The following MAGI1 variants were observed in gnomAD, a reference collection of about 807,000 sequenced individuals.
MAGI1 encodes membrane associated guanylate kinase, WW and PDZ domain containing 1.
A neutral mutation model predicts 139.9 loss-of-function variants in MAGI1; 58 were observed. The ratio of observed to expected loss-of-function variants is 0.41; its 90% CI spans 0.34 to 0.52. MAGI1 has a LOEUF of 0.52. MAGI1 is among the 20% of genes least tolerant of loss of function. MAGI1 has a pLI of 0.12. For missense variants in MAGI1, 1,874 were observed against 1,901.6 expected, an observed-to-expected ratio of 0.99 and a Z score of 0.27; for synonymous variants, 812 against 737.9, an observed-to-expected ratio of 1.10 and a Z score of -1.63.
chr3:65,362,214 T>C (rs1464796611), intron 21 of MAGI1, among the ~76,000 whole-genome samples: 1 of 152,168 alleles, frequency 6.6e-6, no homozygotes, highest in Non-Finnish European at 1.5e-5. Context: ...CCTACCAAGC[T>C]GCTGGCATCA....
At chr3:65,694,128 G>C (rs2088931626) in intron 1 of MAGI1, among the ~76,000 whole-genome samples, 1 of 152,200 alleles carries the variant, frequency 6.6e-6, no homozygotes, top group South Asian at 2.1e-4. Flanking sequence ...ATGTAAAATA[G>C]AGCCAGATAA....
At chr3:65,393,708 T>C (rs1379984006) in intron 13 of MAGI1, among the ~76,000 whole-genome samples, 1 of 152,190 alleles carries the variant, frequency 6.6e-6, no homozygotes, top group South Asian at 2.1e-4. Flanking sequence ...AGATGCCAGA[T>C]TGATTCCAGG....
chr3:65,734,383 C>A (rs1470623905), intron 1 of MAGI1, among the ~76,000 whole-genome samples: 1 of 151,326 alleles, frequency 6.6e-6, no homozygotes, highest in African/African-American at 2.4e-5. Flanking sequence ...TCTCTTGAGC[C>A]CAGGAGGTCG....
At chr3:65,663,592 G>A (rs527943512) in intron 1 of MAGI1, among the ~76,000 whole-genome samples, 45 of 152,282 alleles carry the variant, frequency 3.0e-4, no homozygotes, top group Non-Finnish European at 5.3e-4. Flanking sequence ...TCATTCAAGA[G>A]GTATCTATTG....
intron 1 of MAGI1, among the ~76,000 whole-genome samples, chr3:65,723,667 C>A (rs1018273831): frequency 5.9e-5 from 9 of 152,144 alleles, no homozygotes; most frequent in Non-Finnish European, 1.3e-4. Context: ...ATCTGTGTTT[C>A]CTCTACACAT....
At chr3:65,790,064 G>A (rs1240475251) in intron 1 of MAGI1, among the ~76,000 whole-genome samples, 1 of 152,156 alleles carries the variant, frequency 6.6e-6, no homozygotes, top group Non-Finnish European at 1.5e-5. Context: ...AACTAAAGAT[G>A]TCTAACAGAA....
At chr3:65,654,413 C>T (rs975812108) in intron 1 of MAGI1, among the ~76,000 whole-genome samples, 3 of 152,066 alleles carry the variant, frequency 2.0e-5, no homozygotes, top group Admixed American at 6.6e-5. Context: ...GCCTGTGTGC[C>T]GTTTTGTGGA....
intron 1 of MAGI1, among the ~76,000 whole-genome samples, chr3:65,986,376 G>T (rs1248989257): frequency 6.6e-6 from 1 of 152,208 alleles, no homozygotes; most frequent in African/African-American, 2.4e-5. Flanking sequence ...ATCCCTAGAT[G>T]AGTTGAGATG....
At chr3:65,549,372 T>A in intron 2 of MAGI1, 5 of 929,482 alleles carry the variant, frequency 5.4e-6, no homozygotes, top group Non-Finnish European at 6.4e-6. Context: ...CCCCTCTTCC[T>A]GCTGTCACTT....
At chr3:65,780,985 C>A (rs1432057505) in intron 1 of MAGI1, among the ~76,000 whole-genome samples, 4 of 152,120 alleles carry the variant, frequency 2.6e-5, no homozygotes, top group South Asian at 2.1e-4. Context: ...ATTGGGAGGC[C>A]AAGGCAGGCA....
At chr3:65,891,942 A>ATG (rs2060788079) in intron 1 of MAGI1, among the ~76,000 whole-genome samples, 3 of 90,822 alleles carry the variant, frequency 3.3e-5, no homozygotes, top group Non-Finnish European at 6.5e-5. Flanking sequence ...ATATATATAT[A>ATG]CCCGTGTTGC....
At chr3:65,464,656 T>C (rs896146826) in intron 5 of MAGI1, among the ~76,000 whole-genome samples, 2 of 152,150 alleles carry the variant, frequency 1.3e-5, no homozygotes. Context: ...CCTATATTGC[T>C]ACATTTGAAA....
intron 1 of MAGI1, among the ~76,000 whole-genome samples, chr3:66,018,840 C>T (rs1269228450): frequency 6.6e-6 from 1 of 152,214 alleles, no homozygotes; most frequent in Non-Finnish European, 1.5e-5. Flanking sequence ...AGAATGAGAA[C>T]TGGCTGTCTG....
At chr3:65,392,231 G>C (rs56114756) in intron 13 of MAGI1, among the ~76,000 whole-genome samples, 1 of 152,204 alleles carries the variant, frequency 6.6e-6, no homozygotes, top group Admixed American at 6.5e-5. Context: ...AGCTCTGTTA[G>C]AATGGGGAAT....
At chr3:65,506,418 T>C (rs2077291053) in intron 2 of MAGI1, among the ~76,000 whole-genome samples, 1 of 152,198 alleles carries the variant, frequency 6.6e-6, no homozygotes, top group Admixed American at 6.5e-5. Flanking sequence ...GATCACTTAC[T>C]ATATCTCTAA....
At chr3:65,564,750 C>T (rs1559675403) in intron 2 of MAGI1, among the ~76,000 whole-genome samples, 1 of 152,170 alleles carries the variant, frequency 6.6e-6, no homozygotes, top group Non-Finnish European at 1.5e-5. Context: ...GGGTCTTTAG[C>T]AGAGGGATTA....
chr3:65,727,595 C>A (rs1343845936), intron 1 of MAGI1, among the ~76,000 whole-genome samples: 5 of 152,118 alleles, frequency 3.3e-5, no homozygotes, highest in Non-Finnish European at 7.4e-5. Flanking sequence ...TGAATGTAAC[C>A]TGGGAGATGT....
chr3:65,606,121 T>C (rs535808234), intron 2 of MAGI1, among the ~76,000 whole-genome samples: 1 of 152,184 alleles, frequency 6.6e-6, no homozygotes, highest in South Asian at 2.1e-4. Context: ...TAACTCTCCC[T>C]ACAAGTCTAT....
At chr3:65,387,388 C>CT (rs35217636) in intron 14 of MAGI1, among the ~76,000 whole-genome samples, 135,328 of 146,966 alleles carry the variant, frequency 0.92, 62,781 homozygotes, top group Non-Finnish European at 0.99. Context: ...TTTTTTCTTT[C>CT]TTTTTTTTTT....
Sources: gnomAD v4.1 joint callset for allele counts (sites outside exome capture counted in the v4.1 genomes callset) on GRCh38, gnomAD v4.1.1 for gene constraint, MANE v1.5 for transcripts, NCBI Gene and HGNC (gene_info 2026-07-23, HGNC 2026-07-21) for gene names.